Variants in PEX5L observed in about 807,000 individuals in gnomAD.
PEX5L encodes the protein peroxisomal biogenesis factor 5 like.
PEX5L carries 30 observed loss-of-function variants against 84.0 expected under a neutral mutation model. The observed-to-expected ratio is 0.36, with a 90% CI of 0.27 to 0.48. PEX5L has a LOEUF of 0.48. PEX5L is among the 20% of genes least tolerant of loss of function. PEX5L has a pLI of 0.99. For synonymous variants in PEX5L, 270 were observed against 283.1 expected (o/e 0.95, Z 0.46); for missense variants, 533 against 754.6 (o/e 0.71, Z 3.44).
At chr3:179,860,957 G>C (rs1275223174) in intron 7 of PEX5L, among the ~76,000 whole-genome samples, 2 of 152,202 alleles carry the variant, frequency 1.3e-5, no homozygotes, top group Non-Finnish European at 2.9e-5. Context: ...ACAGAGAAAG[G>C]CTGCCCCTGG....
intron 2 of PEX5L, among the ~76,000 whole-genome samples, chr3:179,898,806 T>C (rs934841013): frequency 1.3e-5 from 2 of 152,120 alleles, no homozygotes; most frequent in African/African-American, 4.8e-5. Context: ...GTCTGTTTTG[T>C]GGAGATGGTA....
At chr3:179,880,408 G>A (rs1753806739) in intron 4 of PEX5L, among the ~76,000 whole-genome samples, 1 of 152,126 alleles carries the variant, frequency 6.6e-6, no homozygotes, top group Non-Finnish European at 1.5e-5. Context: ...TCTGAGTTCA[G>A]GTGCTATTTA....
chr3:180,036,911 T>C lies in PEX5L; in HGVS notation c.-312A>G. On this transcript the variant is annotated 5_prime_UTR_variant, in exon 1 of 15. Transcript: ENST00000467460. Reference sequence around the variant, plus strand: ...CGGGGCGTCTCTAGAACTCACTCCTTCTTCGCCGAACTCTTTCTCGCTTCC... The same window carrying C: ...CGGGGCGTCTCTAGAACTCACTCCTCCTTCGCCGAACTCTTTCTCGCTTCC... 2.4e-6 allele frequency: 1 copy of C among 423,286 alleles called. No individual in the cohort carries two copies. Among genetic ancestry groups the C allele is most frequent in the South Asian group, 3.3e-5 (1 of 30,578 alleles). The allele number at this position is 423,286 out of a possible 1,614,324, so 26.2% of individuals were successfully genotyped here. A position where few individuals can be genotyped will look rare whatever the true frequency, so the allele number is the denominator to read the frequency against.
chr3:179,941,136 C>T (rs1160146811), intron 2 of PEX5L, among the ~76,000 whole-genome samples: 1 of 152,140 alleles, frequency 6.6e-6, no homozygotes, highest in African/African-American at 2.4e-5. Flanking sequence ...AAGATTAGAG[C>T]CATTTATTGT....
chr3:179,814,475 G>T (rs1001274675), intron 10 of PEX5L, among the ~76,000 whole-genome samples: 2 of 152,092 alleles, frequency 1.3e-5, no homozygotes, highest in African/African-American at 2.4e-5. Flanking sequence ...TATGCAGTTG[G>T]GATAGCACAG....
In PEX5L at chr3:179,795,753, AAAC is replaced by A. The variant is rs1236245599; in HGVS notation, c.*6072_*6074del. 2.0e-5 allele frequency: 3 copies of A among 152,220 alleles called. No homozygotes were observed. The highest frequency in any genetic ancestry group is 3.8e-4 in the East Asian group (2 of 5,200). The allele number at this position is 152,220 out of a possible 1,614,324, so 9.4% of individuals were successfully genotyped here. A position where few individuals can be genotyped will look rare whatever the true frequency, so the allele number is the denominator to read the frequency against. ...GAAGCATCACAGAAGAATTGTCTCA[AAAC>A]AACATTTTTAGATTAGATTAGAGAT... On this transcript the variant is annotated 3_prime_UTR_variant, in exon 15 of 15. Transcript: ENST00000467460.
chr3:179,859,717 A>G, intron 7 of PEX5L, among the ~76,000 whole-genome samples: 1 of 152,160 alleles, frequency 6.6e-6, no homozygotes, highest in Non-Finnish European at 1.5e-5. Flanking sequence ...ATTTCTTAGG[A>G]TATTGCTCTC....
Position 179,809,525 on chromosome 3 carries a change from CT to C in PEX5L, c.1297del (p.Ser433AlafsTer25). 6.2e-7 allele frequency: 1 copy of C among 1,614,160 alleles called. No homozygotes were observed. The highest frequency in any genetic ancestry group is 1.3e-5 in the African/African-American group (1 of 75,034). On this transcript the variant is annotated frameshift_variant, in exon 12 of 15. Coordinates refer to ENST00000467460, the MANE Select transcript of PEX5L (RefSeq NM_016559.3). LOFTEE classifies it high-confidence loss of function. ...QNPKYKYLVK[S>X]KKGSPGLTRR... ...GGTGAGGCCTGGAGATCCCTTCTTG[CT>C]TTTCACAAGGTATTTGTACTTTGGA...
At chr3:179,890,959 GT>G (rs1232923349) in intron 3 of PEX5L, among the ~76,000 whole-genome samples, 4 of 149,836 alleles carry the variant, frequency 2.7e-5, no homozygotes, top group African/African-American at 9.8e-5. Flanking sequence ...TTTACCAAAG[GT>G]AAAAAAATTT....
intron 11 of PEX5L, among the ~76,000 whole-genome samples, chr3:179,811,011 G>C (rs1723560217): frequency 1.3e-5 from 2 of 152,080 alleles, no homozygotes; most frequent in South Asian, 2.1e-4. Flanking sequence ...GTAGGAAAAG[G>C]CTCTGAACGC....
chr3:179,845,576 C>T (rs1739000555), intron 8 of PEX5L, among the ~76,000 whole-genome samples: 1 of 152,140 alleles, frequency 6.6e-6, no homozygotes, highest in Non-Finnish European at 1.5e-5. Context: ...AAATATATTT[C>T]CAACCAAATT....
chr3:179,894,875 G>C (rs1758740048), intron 3 of PEX5L, among the ~76,000 whole-genome samples: 1 of 152,006 alleles, frequency 6.6e-6, no homozygotes, highest in African/African-American at 2.4e-5. Context: ...AAGTATCTAG[G>C]AGATATGGTC....
At chr3:179,929,472 C>T (rs1319666267) in intron 2 of PEX5L, among the ~76,000 whole-genome samples, 3 of 147,078 alleles carry the variant, frequency 2.0e-5, no homozygotes, top group African/African-American at 7.6e-5. Context: ...CATTAGGTTG[C>T]ATCTTGTGAA....
At chr3:179,888,218 G>A (rs1050857297) in intron 3 of PEX5L, 64 of 1,233,264 alleles carry the variant, frequency 5.2e-5, no homozygotes, top group Non-Finnish European at 6.7e-5. Context: ...TGTGGGGAGT[G>A]CAAACACACG....
Position 179,809,452 on chromosome 3 carries a change from A to G in PEX5L, c.1352+19T>C, listed in dbSNP as rs1577141314. On this transcript the variant is annotated intron_variant, in intron 12 of 14. Coordinates refer to ENST00000467460, the MANE Select transcript of PEX5L (RefSeq NM_016559.3). Reference sequence around the variant, plus strand: ...TATATGGGTGTTTACTGCCAGCTGTAATATAACGAGAAGGATACCTATCAA... The same window carrying G: ...TATATGGGTGTTTACTGCCAGCTGTGATATAACGAGAAGGATACCTATCAA... 6.3e-7 allele frequency: 1 copy of G among 1,589,946 alleles called. No homozygotes were observed. The highest frequency in any genetic ancestry group is 8.6e-7 in the Non-Finnish European group (1 of 1,157,966).
In PEX5L at chr3:179,974,295, A is replaced by G. The variant is rs75717516; in HGVS notation, c.22-2630T>C. On this transcript the variant is annotated intron_variant, in intron 1 of 14. Transcript: ENST00000467460. ...GGGCTTCTGTGGGAGGAGAAGCCAC[A>G]GGGCAATCACTTCCTGTGCTCCTCC... The G allele has an allele frequency of 3.7e-3, 2,040 of 554,950 alleles. 42 individuals are homozygous for G. The African/African-American group carries it at 0.039, about 11-fold the overall frequency. The allele number at this position is 554,950 out of a possible 1,614,324, so 34.4% of individuals were successfully genotyped here.
chr3:179,864,640 A>G (rs758684808), intron 7 of PEX5L, among the ~76,000 whole-genome samples: 2 of 152,132 alleles, frequency 1.3e-5, no homozygotes, highest in Non-Finnish European at 2.9e-5. Context: ...CATTAATAAC[A>G]GTGTGTTATA....
At chr3:179,951,568 G>A (rs1779095613) in intron 2 of PEX5L, among the ~76,000 whole-genome samples, 1 of 152,188 alleles carries the variant, frequency 6.6e-6, no homozygotes, top group South Asian at 2.1e-4. Context: ...TGAGGATTCA[G>A]CAGCTATTTT....
intron 8 of PEX5L, among the ~76,000 whole-genome samples, chr3:179,858,790 C>G (rs1281659249): frequency 6.6e-6 from 1 of 152,154 alleles, no homozygotes; most frequent in Non-Finnish European, 1.5e-5. Context: ...CTTTCTGACC[C>G]AGGACTCCTG....
Sources: gnomAD v4.1 joint callset for allele counts (sites outside exome capture counted in the v4.1 genomes callset) on GRCh38, gnomAD v4.1.1 for gene constraint, MANE v1.5 for transcripts, NCBI Gene and HGNC (gene_info 2026-07-23, HGNC 2026-07-21) for gene names.